The following PITPNC1 variants were observed in gnomAD, a reference collection of about 807,000 sequenced individuals.
PITPNC1 encodes the protein cytoplasmic phosphatidylinositol transfer protein 1.
Under a neutral mutation model 44.7 loss-of-function variants are expected in PITPNC1, and 18 were observed. That is an observed-to-expected ratio of 0.40 (90% CI 0.28 to 0.60). PITPNC1 has a LOEUF of 0.60. Ranked by LOEUF, PITPNC1 falls within the 20% of genes least tolerant of loss-of-function variation. The pLI is 0.39. For missense variants in PITPNC1, 290 were observed against 418.4 expected (o/e 0.69, Z 2.68); for synonymous variants, 141 against 149.6 (o/e 0.94, Z 0.42).
intron 8 of PITPNC1, among the ~76,000 whole-genome samples, chr17:67,691,851 C>T (rs1287664545): frequency 6.6e-6 from 1 of 151,818 alleles, no homozygotes; most frequent in Non-Finnish European, 1.5e-5. Context: ...ACAGAAAATA[C>T]AAAAAAATTA....
chr17:67,509,214 A>G (rs989721746), intron 1 of PITPNC1, among the ~76,000 whole-genome samples: 8 of 150,044 alleles, frequency 5.3e-5, no homozygotes, highest in Non-Finnish European at 7.4e-5. Flanking sequence ...AGCCTGGGAG[A>G]CAGAGTGAGA....
At chr17:67,687,395 G>C (rs2042836184) in intron 8 of PITPNC1, among the ~76,000 whole-genome samples, 2 of 152,138 alleles carry the variant, frequency 1.3e-5, no homozygotes, top group South Asian at 4.1e-4. Context: ...GCTTGACGTG[G>C]AGGTTATTTC....
rs777817165 is a variant in PITPNC1 at position 67,378,166 on chromosome 17, A to G, written c.12A>G (p.Lys4=). Residue 4 remains lysine (K), a synonymous_variant, in exon 1 of 9, where the codon AAA becomes AAG. Transcript: ENST00000581322. ...CGGCCGGCAGGACCATGCTGCTGAA[A>G]GAGTACCGGATCTGCATGCCGCTCA... MLL[K]EYRICMPLTV... 1 of 1,547,240 alleles carries G rather than the reference A, an allele frequency of 6.5e-7. No individual in the cohort carries two copies. The highest frequency in any genetic ancestry group is 2.0e-5 in the Admixed American group (1 of 50,706).
chr17:67,536,753 C>T (rs574194522), intron 2 of PITPNC1, among the ~76,000 whole-genome samples: 7 of 152,244 alleles, frequency 4.6e-5, no homozygotes, highest in African/African-American at 1.4e-4. Flanking sequence ...ACCCTCGCAG[C>T]TAGAGATGGC....
intron 1 of PITPNC1, among the ~76,000 whole-genome samples, chr17:67,464,228 T>C (rs1169764060): frequency 3.9e-5 from 6 of 152,048 alleles, no homozygotes; most frequent in Non-Finnish European, 4.4e-5. Context: ...TCTGTGTTCA[T>C]CTAAGTAGAG....
chr17:67,652,972 G>T (rs2042225678), intron 6 of PITPNC1, among the ~76,000 whole-genome samples: 1 of 152,142 alleles, frequency 6.6e-6, no homozygotes, highest in Admixed American at 6.5e-5. Context: ...CAGTATGATG[G>T]GTGTCCTTAT....
At chr17:67,606,527 C>A (rs2041610370) in intron 5 of PITPNC1, among the ~76,000 whole-genome samples, 1 of 152,202 alleles carries the variant, frequency 6.6e-6, no homozygotes, top group Non-Finnish European at 1.5e-5. Context: ...GGCCTGAGAC[C>A]CCTGGCCCAC....
intron 8 of PITPNC1, among the ~76,000 whole-genome samples, chr17:67,679,965 CTT>C (rs1479219596): frequency 2.6e-5 from 4 of 152,156 alleles, no homozygotes; most frequent in Non-Finnish European, 4.4e-5. Context: ...TCACGAATGT[CTT>C]TGAAAACCTG....
intron 1 of PITPNC1, among the ~76,000 whole-genome samples, chr17:67,440,908 A>G (rs2039003382): frequency 6.6e-6 from 1 of 151,992 alleles, no homozygotes; most frequent in Admixed American, 6.6e-5. Context: ...GAACATTATG[A>G]CACCCAATAA....
chr17:67,585,130 A>G, intron 5 of PITPNC1, among the ~76,000 whole-genome samples: 1 of 151,634 alleles, frequency 6.6e-6, no homozygotes, highest in Non-Finnish European at 1.5e-5. Context: ...AAAAAAAAAA[A>G]AAAAAACCAG....
intron 6 of PITPNC1, among the ~76,000 whole-genome samples, chr17:67,664,708 A>C (rs2042397167): frequency 6.6e-6 from 1 of 152,196 alleles, no homozygotes; most frequent in Non-Finnish European, 1.5e-5. Flanking sequence ...GTTCGAGACC[A>C]GCCTGGCCAA....
At chr17:67,506,063 C>T (rs1373670341) in intron 1 of PITPNC1, among the ~76,000 whole-genome samples, 1 of 152,152 alleles carries the variant, frequency 6.6e-6, no homozygotes, top group East Asian at 1.9e-4. Flanking sequence ...TAGTCCCACT[C>T]AGTCCCTTTC....
At chr17:67,486,874 A>G (rs2039785224) in intron 1 of PITPNC1, among the ~76,000 whole-genome samples, 1 of 152,006 alleles carries the variant, frequency 6.6e-6, no homozygotes, top group African/African-American at 2.4e-5. Context: ...CTCTACTAAA[A>G]ATACAAAAAT....
At chr17:67,629,418 A>C (rs922347363) in intron 5 of PITPNC1, among the ~76,000 whole-genome samples, 1 of 152,194 alleles carries the variant, frequency 6.6e-6, no homozygotes, top group African/African-American at 2.4e-5. Context: ...GATTACAGGC[A>C]CATGCCAACA....
intron 1 of PITPNC1, among the ~76,000 whole-genome samples, chr17:67,502,238 C>T (rs2040040964): frequency 6.6e-6 from 1 of 151,678 alleles, no homozygotes; most frequent in African/African-American, 2.4e-5. Context: ...TAGTGCTCTT[C>T]TCTGCTTTCA....
At chr17:67,681,345 G>A (rs900382806) in intron 8 of PITPNC1, among the ~76,000 whole-genome samples, 16 of 152,142 alleles carry the variant, frequency 1.1e-4, no homozygotes, top group Admixed American at 3.3e-4. Context: ...AGGTGTGGTT[G>A]TTCATACCTG....
chr17:67,610,072 C>A (rs2041667017), intron 5 of PITPNC1, among the ~76,000 whole-genome samples: 1 of 152,172 alleles, frequency 6.6e-6, no homozygotes, highest in African/African-American at 2.4e-5. Flanking sequence ...CACTACTTTC[C>A]TCTGTCGTTC....
chr17:67,621,844 G>A (rs1014534036), intron 5 of PITPNC1, among the ~76,000 whole-genome samples: 6 of 152,268 alleles, frequency 3.9e-5, no homozygotes, highest in Admixed American at 3.9e-4. Context: ...GCCAGGTGCA[G>A]TGGCTCACAC....
At chr17:67,664,245 G>GTT (rs1181633295) in intron 6 of PITPNC1, among the ~76,000 whole-genome samples, 1 of 152,142 alleles carries the variant, frequency 6.6e-6, no homozygotes, top group African/African-American at 2.4e-5. Flanking sequence ...GATTACAGGC[G>GTT]TGAGCCACTG....
Sources: gnomAD v4.1 joint callset for allele counts (sites outside exome capture counted in the v4.1 genomes callset) on GRCh38, gnomAD v4.1.1 for gene constraint, MANE v1.5 for transcripts, NCBI Gene and HGNC (gene_info 2026-07-23, HGNC 2026-07-21) for gene names.